Variants in ADAMTS19 observed in about 807,000 individuals in gnomAD.
The protein encoded by ADAMTS19 is A disintegrin and metalloproteinase with thrombospondin motifs 19.
ADAMTS19 carries 93 observed loss-of-function variants against 153.3 expected under a neutral mutation model. The observed-to-expected ratio is 0.61, with a 90% CI of 0.51 to 0.72. The LOEUF (loss-of-function observed/expected upper bound fraction) is 0.72. Among genes scored for constraint, ADAMTS19 ranks in the 30% least tolerant of loss-of-function variants. ADAMTS19 has a pLI of 0.00. For missense variants in ADAMTS19, 1,482 were observed against 1,552.1 expected (o/e 0.95, Z 0.76); for synonymous variants, 600 against 556.6 (o/e 1.08, Z -1.10).
chr5:129,636,350 CTT>C (rs1369580794), intron 10 of ADAMTS19, among the ~76,000 whole-genome samples: 2 of 152,278 alleles, frequency 1.3e-5, no homozygotes, highest in South Asian at 2.1e-4. Flanking sequence ...GAAGGGGAAT[CTT>C]TTTATCTTAA....
intron 21 of ADAMTS19, among the ~76,000 whole-genome samples, chr5:129,723,602 A>G (rs1342827331): frequency 1.3e-5 from 2 of 152,226 alleles, no homozygotes; most frequent in African/African-American, 2.4e-5. Context: ...CACAGCATAG[A>G]CATAATTTAA....
At chr5:129,702,059 G>C (rs905505833) in intron 20 of ADAMTS19, among the ~76,000 whole-genome samples, 1 of 152,160 alleles carries the variant, frequency 6.6e-6, no homozygotes, top group African/African-American at 2.4e-5. Flanking sequence ...ATAAGTAAGA[G>C]TAATATAGCT....
At chr5:129,509,356 T>A in intron 3 of ADAMTS19, 114 bp downstream of exon 3, 1 of 967,070 alleles carries the variant, frequency 1.0e-6, no homozygotes, top group Non-Finnish European at 1.5e-6. Flanking sequence ...TAGAATCTTT[T>A]AATTAGTAAC....
At chr5:129,599,730 T>C (rs1476554251) in intron 8 of ADAMTS19, among the ~76,000 whole-genome samples, 3 of 152,150 alleles carry the variant, frequency 2.0e-5, no homozygotes, top group African/African-American at 7.2e-5. Flanking sequence ...AGTAGAAATG[T>C]TGGTTTATGA....
intron 6 of ADAMTS19, among the ~76,000 whole-genome samples, chr5:129,549,991 T>C (rs1355749246): frequency 1.7e-5 from 2 of 117,044 alleles, no homozygotes; most frequent in Non-Finnish European, 3.7e-5. Context: ...TGTATCTGTA[T>C]ATGTATCTAG....
chr5:129,554,868 T>A (rs1164564642), intron 7 of ADAMTS19, among the ~76,000 whole-genome samples: 1 of 152,144 alleles, frequency 6.6e-6, no homozygotes, highest in Non-Finnish European at 1.5e-5. Flanking sequence ...CTCTGTGACT[T>A]GTTAAAAAAT....
intron 10 of ADAMTS19, among the ~76,000 whole-genome samples, chr5:129,632,136 T>C (rs1354293152): frequency 6.6e-6 from 1 of 152,014 alleles, no homozygotes; most frequent in Non-Finnish European, 1.5e-5. Context: ...AAATCAGCCA[T>C]AGATAATATG....
chr5:129,677,147 A>T (rs1754586195), intron 16 of ADAMTS19, among the ~76,000 whole-genome samples: 1 of 152,214 alleles, frequency 6.6e-6, no homozygotes, highest in African/African-American at 2.4e-5. Flanking sequence ...AAAAAATTAT[A>T]AAGTTCAATA....
chr5:129,522,035 G>T (rs1475252288), intron 3 of ADAMTS19, among the ~76,000 whole-genome samples: 3 of 151,716 alleles, frequency 2.0e-5, no homozygotes, highest in African/African-American at 4.8e-5. Context: ...TTAGTTATTG[G>T]ATGTATCCAT....
chr5:129,517,454 T>A (rs1424306574), intron 3 of ADAMTS19, among the ~76,000 whole-genome samples: 1 of 151,972 alleles, frequency 6.6e-6, no homozygotes, highest in Non-Finnish European at 1.5e-5. Flanking sequence ...TCTTTCTTTA[T>A]ATGGGTGCTC....
At chr5:129,555,422 ATTATTATTTTACAG>A (rs1753280491) in intron 7 of ADAMTS19, among the ~76,000 whole-genome samples, 1 of 152,150 alleles carries the variant, frequency 6.6e-6, no homozygotes, top group Non-Finnish European at 1.5e-5. Flanking sequence ...TTTTGTTATC[ATTATTATTTTACAG>A]ATGAAGAAAG....
intron 16 of ADAMTS19, among the ~76,000 whole-genome samples, chr5:129,672,502 A>G (rs2127098659): frequency 6.6e-6 from 1 of 152,284 alleles, no homozygotes; most frequent in South Asian, 2.1e-4. Context: ...GACAGAAAAC[A>G]AAACCTAAGG....
At chr5:129,487,403 C>T (rs1750633320) in intron 2 of ADAMTS19, among the ~76,000 whole-genome samples, 1 of 152,008 alleles carries the variant, frequency 6.6e-6, no homozygotes, top group African/African-American at 2.4e-5. Flanking sequence ...CCCAAAAATA[C>T]ACTCTGTAGC....
intron 7 of ADAMTS19, among the ~76,000 whole-genome samples, chr5:129,556,580 A>G (rs1753318058): frequency 6.6e-6 from 1 of 152,194 alleles, no homozygotes; most frequent in Admixed American, 6.5e-5. Flanking sequence ...AAGGCTGCCA[A>G]TCAACTGACC....
At chr5:129,709,376 G>T (rs1459962280) in intron 21 of ADAMTS19, among the ~76,000 whole-genome samples, 1 of 151,828 alleles carries the variant, frequency 6.6e-6, no homozygotes, top group African/African-American at 2.4e-5. Context: ...TATAATTAAA[G>T]ACCTGTATAT....
chr5:129,523,464 T>C (rs1209830056), intron 3 of ADAMTS19, among the ~76,000 whole-genome samples: 3 of 152,126 alleles, frequency 2.0e-5, no homozygotes, highest in Non-Finnish European at 2.9e-5. Context: ...ATATGATAAA[T>C]GACAAGGAGA....
chr5:129,560,415 A>T (rs1302076242), intron 7 of ADAMTS19, among the ~76,000 whole-genome samples: 1 of 152,136 alleles, frequency 6.6e-6, no homozygotes, highest in African/African-American at 2.4e-5. Flanking sequence ...CAGTTCTGAG[A>T]CCTCACCTTG....
At chr5:129,522,314 T>TACACACACACACAC (rs1455704023) in intron 3 of ADAMTS19, among the ~76,000 whole-genome samples, 3 of 94,454 alleles carry the variant, frequency 3.2e-5, no homozygotes, top group African/African-American at 1.6e-4. Context: ...TATATATATA[T>TACACACACACACAC]ATACACACAC....
At chr5:129,599,423 A>G (rs969820380) in intron 8 of ADAMTS19, among the ~76,000 whole-genome samples, 4 of 152,154 alleles carry the variant, frequency 2.6e-5, no homozygotes, top group Non-Finnish European at 4.4e-5. Flanking sequence ...CTATGCAGTA[A>G]CACCTTGATG....
Sources: gnomAD v4.1 joint callset for allele counts (sites outside exome capture counted in the v4.1 genomes callset) on GRCh38, gnomAD v4.1.1 for gene constraint, MANE v1.5 for transcripts, NCBI Gene and HGNC (gene_info 2026-07-23, HGNC 2026-07-21) for gene names.